Variants in GALNT5 observed in about 807,000 individuals in gnomAD.
GALNT5 encodes the protein polypeptide N-acetylgalactosaminyltransferase 5.
Under a neutral mutation model 85.4 loss-of-function variants are expected in GALNT5, and 72 were observed. The observed-to-expected ratio is 0.84, with a 90% confidence interval of 0.70 to 1.03. GALNT5 has a LOEUF of 1.03. Ranked by LOEUF, GALNT5 falls within the 50% of genes least tolerant of loss-of-function variation. The pLI, the probability that GALNT5 is intolerant of heterozygous loss-of-function variation, is 0.00. For synonymous variants in GALNT5, 404 were observed against 397.0 expected (o/e 1.02, Z -0.21); for missense variants, 1,137 against 1,135.5 (o/e 1.00, Z -0.02).
chr2:157,286,506 T>C (rs1452615117), intron 3 of GALNT5, among the ~76,000 whole-genome samples: 1 of 151,942 alleles, frequency 6.6e-6, no homozygotes, highest in East Asian at 1.9e-4. Flanking sequence ...GTTTTTGTTT[T>C]TGTTTTTGTT....
rs998581110 is a variant in GALNT5 at position 157,316,263 on chromosome 2, C to T, written c.*4915C>T. On this transcript the variant is annotated 3_prime_UTR_variant, in exon 10 of 10. Transcript: ENST00000259056. ...GGAGCCTCTAGCTTGCATATCTATA[C>T]TTGCAACTTGACTTTTCAGGCTGCT... 3.9e-5 allele frequency among the ~76,000 whole-genome samples: 6 copies of T among 152,122 alleles called. No individual in the cohort carries two copies. In the South Asian group the frequency reaches 8.3e-4, roughly 21 times the overall value.
At chr2:157,282,733 C>CAAA (rs11408490) in intron 1 of GALNT5, among the ~76,000 whole-genome samples, 1 of 151,436 alleles carries the variant, frequency 6.6e-6, no homozygotes, top group African/African-American at 2.4e-5. Context: ...GCCCATTCTA[C>CAAA]AAAAAAAACC....
At chr2:157,279,999 T>C (rs780224316) in intron 1 of GALNT5, among the ~76,000 whole-genome samples, 2 of 152,186 alleles carry the variant, frequency 1.3e-5, no homozygotes, top group Non-Finnish European at 2.9e-5. Flanking sequence ...GGTTTCTCCA[T>C]GTTCGTCAGG....
chr2:157,286,186 T>C, intron 3 of GALNT5, 52 bp downstream of exon 3: 1 of 1,489,668 alleles, frequency 6.7e-7, no homozygotes, highest in African/African-American at 1.4e-5. Context: ...TAATTTAAAA[T>C]GTTTCTCAAA....
At chr2:157,261,533 C>T (rs979722729) in intron 1 of GALNT5, among the ~76,000 whole-genome samples, 2 of 152,194 alleles carry the variant, frequency 1.3e-5, no homozygotes, top group Non-Finnish European at 2.9e-5. Flanking sequence ...CCTCTTATCA[C>T]ATAACCCACC....
intron 1 of GALNT5, among the ~76,000 whole-genome samples, chr2:157,261,292 G>A (rs755272351): frequency 6.6e-6 from 1 of 152,188 alleles, no homozygotes; most frequent in Non-Finnish European, 1.5e-5. Context: ...TGGCGGGGGT[G>A]GGGGTGCTCA....
chr2:157,300,603 C>T, intron 6 of GALNT5, 73 bp from the exon 7 acceptor site: 1 of 1,212,856 alleles, frequency 8.2e-7, no homozygotes, highest in African/African-American at 1.5e-5. Flanking sequence ...AAGGTGGTTT[C>T]TTGTCATTGT....
At position 157,318,133 on chromosome 2, in the gene GALNT5, CTT is replaced by C. The variant is rs2105180573; in HGVS notation, c.*6787_*6788del. ...ATTTCTTCTTTATTATACTCTGGTG[CTT>C]TATCCTTCTCCATAATTCTCTATTA... On this transcript the variant is annotated 3_prime_UTR_variant, in exon 10 of 10. Transcript: ENST00000259056. Among the ~76,000 whole-genome samples, 1 of 152,042 alleles carries C rather than the reference CTT, an allele frequency of 6.6e-6. No individual in the cohort carries two copies. The highest frequency in any genetic ancestry group is 6.6e-5 in the Admixed American group (1 of 15,260).
chr2:157,288,099 G>C (rs2105147096), intron 3 of GALNT5, among the ~76,000 whole-genome samples: 1 of 152,278 alleles, frequency 6.6e-6, no homozygotes, highest in Non-Finnish European at 1.5e-5. Flanking sequence ...CTCTGGCCCT[G>C]TAAGCCCTGC....
chr2:157,314,848 G>A lies in GALNT5; in HGVS notation c.*3500G>A, dbSNP rs553666923. On this transcript the variant is annotated 3_prime_UTR_variant, in exon 10 of 10. Transcript: ENST00000259056. ...TAATCCTAGCACTTTAGGAGGCCAA[G>A]GTGGGTGGATCATGAGGTCAGGAGT... Among the ~76,000 whole-genome samples the A allele has an allele frequency of 1.2e-4, 19 of 152,310 alleles. No homozygotes were observed. The highest frequency in any genetic ancestry group is 2.5e-4 in the Non-Finnish European group (17 of 68,034).
chr2:157,313,093 T>G lies in GALNT5; in HGVS notation c.*1745T>G, dbSNP rs1396195338. On this transcript the variant is annotated 3_prime_UTR_variant, in exon 10 of 10. Coordinates refer to ENST00000259056, the MANE Select transcript of GALNT5 (RefSeq NM_014568.3). ...TGAAAACTGCAGATGAGTAAGAGAATGACTAGGAAATGAGATACAGTTATA... is the reference window on the plus strand; with the variant it reads ...TGAAAACTGCAGATGAGTAAGAGAAGGACTAGGAAATGAGATACAGTTATA... The G allele has an allele frequency of 6.6e-6, 1 of 152,196 alleles. No homozygotes were observed. Among genetic ancestry groups the G allele is most frequent in the Non-Finnish European group, 1.5e-5 (1 of 68,010 alleles). 9.4% of individuals were successfully genotyped at this position (152,196 alleles called of 1,614,324 possible).
At chr2:157,283,266 T>C (rs1488664606) in intron 1 of GALNT5, among the ~76,000 whole-genome samples, 1 of 152,244 alleles carries the variant, frequency 6.6e-6, no homozygotes, top group Non-Finnish European at 1.5e-5. Context: ...ATAATATTTA[T>C]GATCATCATT....
chr2:157,258,080 A>G lies in GALNT5; in HGVS notation c.-3A>G. On this transcript the variant is annotated 5_prime_UTR_variant, in exon 1 of 10. Coordinates refer to ENST00000259056, the MANE Select transcript of GALNT5 (RefSeq NM_014568.3). Reference sequence around the variant, plus strand: ...GGCAGGCTGCTAGGGAAAGCTTTGTACCATGAACAGGATCCGAAAGTTTTT... The same window carrying G: ...GGCAGGCTGCTAGGGAAAGCTTTGTGCCATGAACAGGATCCGAAAGTTTTT... 2 of 1,613,066 alleles carry G rather than the reference A, an allele frequency of 1.2e-6. No homozygotes were observed.
At position 157,315,924 on chromosome 2, in the gene GALNT5, T is replaced by C. The variant is rs1683692027; in HGVS notation, c.*4576T>C. On this transcript the variant is annotated 3_prime_UTR_variant, in exon 10 of 10. Coordinates refer to ENST00000259056, the MANE Select transcript of GALNT5 (RefSeq NM_014568.3). ...AGAAAGACAGTTGCTCAAGAGAGGG[T>C]TTTCTGGGTTTGGGGCAAGATTTGA... Among the ~76,000 whole-genome samples the C allele has an allele frequency of 6.6e-6, 1 of 151,018 alleles. No individual in the cohort carries two copies. Among genetic ancestry groups the C allele is most frequent in the African/African-American group, 2.4e-5 (1 of 41,018 alleles).
Position 157,258,897 on chromosome 2 carries a change from C to G in GALNT5, c.815C>G (p.Ala272Gly). The part of the protein sequence containing the change: ...SKEVNANKHK[A>G]NTSLPFPKFT... ...GAAGTCAATGCAAATAAACACAAAG[C>G]CAATACGAGTCTTCCTTTTCCTAAG... Residue 272 changes from alanine (A) to glycine (G), a missense_variant, in exon 1 of 10, where the codon GCC (alanine) becomes GGC (glycine). Ala to Gly is a moderately conservative substitution (Grantham distance 60, BLOSUM62 0). Coordinates refer to ENST00000259056, the MANE Select transcript of GALNT5 (RefSeq NM_014568.3). 1 of 1,564,264 alleles carries G rather than the reference C, an allele frequency of 6.4e-7. No individual in the cohort carries two copies. The highest frequency in any genetic ancestry group is 8.6e-7 in the Non-Finnish European group (1 of 1,159,060).
intron 1 of GALNT5, among the ~76,000 whole-genome samples, chr2:157,264,899 CA>C (rs987600311): frequency 1.3e-5 from 2 of 151,880 alleles, no homozygotes; most frequent in Non-Finnish European, 2.9e-5. Context: ...ACATGGGACA[CA>C]AATCTTAATT....
At position 157,285,974 on chromosome 2, in the gene GALNT5, T is replaced by C. The variant is rs16841493; in HGVS notation, c.1622-41T>C. On this transcript the variant is annotated intron_variant, in intron 2 of 9. Transcript: ENST00000259056. ...CACTTCTGATACTATCCGGACTTAC[T>C]TAATTCAAGTATTTCCTGGTTTATC... 3,217 of 1,513,610 alleles carry C rather than the reference T, an allele frequency of 2.1e-3. 62 individuals carry two copies. In the African/African-American group the frequency reaches 0.04, roughly 19 times the overall value. 93.8% of individuals were successfully genotyped at this position (1,513,610 alleles called of 1,614,324 possible).
intron 9 of GALNT5, 71 bp downstream of exon 9, chr2:157,308,799 A>C: frequency 3.6e-5 from 43 of 1,200,672 alleles, no homozygotes; most frequent in Middle Eastern, 2.1e-4. Context: ...TAAAATTCTC[A>C]TTGTCACCTT....
intron 1 of GALNT5, among the ~76,000 whole-genome samples, chr2:157,262,566 C>A (rs1253532632): frequency 2.7e-5 from 4 of 148,334 alleles, no homozygotes; most frequent in Non-Finnish European, 5.9e-5. Flanking sequence ...TGAGCCTGAG[C>A]GGTCGAGGTT....
Sources: gnomAD v4.1 joint callset for allele counts (sites outside exome capture counted in the v4.1 genomes callset) on GRCh38, gnomAD v4.1.1 for gene constraint, MANE v1.5 for transcripts, NCBI Gene and HGNC (gene_info 2026-07-23, HGNC 2026-07-21) for gene names.